PRIM2: variants seen among roughly 807,000 people sequenced by gnomAD.
The protein encoded by PRIM2 is DNA primase subunit 2.
In PRIM2, 39 loss-of-function variants were observed where a neutral mutation model predicts 67.3. The ratio of observed to expected loss-of-function variants is 0.58; its 90% CI spans 0.45 to 0.76. The LOEUF (loss-of-function observed/expected upper bound fraction) is 0.76, where lower values mean the gene tolerates loss of function less well. Among genes scored for constraint, PRIM2 ranks in the 30% least tolerant of loss-of-function variants. The probability of loss-of-function intolerance (pLI) is 0.00; values close to 1 mark genes in which losing one functional copy is unlikely to be tolerated. For synonymous variants in PRIM2, 143 were observed against 198.7 expected (o/e 0.72, Z 2.36); for missense variants, 398 against 598.7 (o/e 0.66, Z 3.50).
chr6:57,639,923 C>T (rs1417236451), intron 13 of PRIM2, among the ~76,000 whole-genome samples: 1 of 151,662 alleles, frequency 6.6e-6, no homozygotes, highest in Non-Finnish European at 1.5e-5. Flanking sequence ...CTGGCAGAGA[C>T]ACAACAAAAA....
chr6:57,356,774 A>G (rs897631062), intron 5 of PRIM2, among the ~76,000 whole-genome samples: 1 of 152,084 alleles, frequency 6.6e-6, no homozygotes, highest in African/African-American at 2.4e-5. Flanking sequence ...TTGTGATAGG[A>G]TAAGGAATAA....
the PRIM2 span, among the ~76,000 whole-genome samples, chr6:57,272,740 G>T: frequency 1.3e-5 from 2 of 152,162 alleles, no homozygotes; most frequent in African/African-American, 4.8e-5. Context: ...TTTACAATTT[G>T]GCATGTTTTT....
intron 7 of PRIM2, among the ~76,000 whole-genome samples, chr6:57,474,203 T>G (rs1331004807): frequency 4.7e-4 from 5 of 10,666 alleles, no homozygotes; most frequent in Admixed American, 2.2e-3. Context: ...TTTTTTTTTT[T>G]GAGCTCTGTC....
At chr6:57,320,219 C>T (rs143525361) in intron 2 of PRIM2, among the ~76,000 whole-genome samples, 71 of 152,148 alleles carry the variant, frequency 4.7e-4, no homozygotes, top group African/African-American at 1.7e-3. Flanking sequence ...TCCCTCTTCC[C>T]TGATTGAGAA....
chr6:57,322,506 G>A (rs919079192), intron 3 of PRIM2, among the ~76,000 whole-genome samples: 1 of 152,140 alleles, frequency 6.6e-6, no homozygotes, highest in Non-Finnish European at 1.5e-5. Context: ...GTTCTCACAA[G>A]ATCTGATGGT....
chr6:57,506,203 C>T lies in PRIM2; in HGVS notation c.694-1184C>T, dbSNP rs1774247823. 1.2e-4 allele frequency among the ~76,000 whole-genome samples: 18 copies of T among 151,788 alleles called. No homozygotes were observed. In the South Asian group the frequency reaches 3.8e-3, roughly 32 times the overall value. ...TAAAATTGTAGCAGATTAATTGTCT[C>T]ACTTTATTGTATTTTAAATTAGTAA... On this transcript the variant is annotated intron_variant, in intron 7 of 13. Coordinates refer to ENST00000615550, the MANE Select transcript of PRIM2 (RefSeq NM_000947.5).
chr6:57,304,768 G>A, the PRIM2 span, among the ~76,000 whole-genome samples: 48 of 152,292 alleles, frequency 3.2e-4, 1 homozygote, highest in African/African-American at 1.1e-3. Flanking sequence ...AGAAGTAGAA[G>A]TAGATGAGAA....
chr6:57,457,775 G>T (rs1468985759), intron 7 of PRIM2, among the ~76,000 whole-genome samples: 1 of 152,132 alleles, frequency 6.6e-6, no homozygotes, highest in African/African-American at 2.4e-5. Flanking sequence ...CTCACATACG[G>T]TGTGCTGCAC....
intron 8 of PRIM2, among the ~76,000 whole-genome samples, chr6:57,523,556 A>C (rs1581968709): frequency 6.6e-6 from 1 of 152,142 alleles, no homozygotes; most frequent in Non-Finnish European, 1.5e-5. Context: ...AAATGACTGG[A>C]GTTGTAATCA....
intron 7 of PRIM2, chr6:57,505,199 G>C (rs1485608013): frequency 2.6e-5 from 4 of 152,152 alleles, no homozygotes; most frequent in African/African-American, 7.2e-5. Context: ...TTTTGTAAGC[G>C]CTAATTGTTT....
intron 10 of PRIM2, among the ~76,000 whole-genome samples, chr6:57,539,658 A>G (rs1231231079): frequency 0.036 from 1,620 of 45,204 alleles, 7 homozygotes; most frequent in African/African-American, 0.078. Context: ...GTGTGTGTGT[A>G]TATATATATA....
chr6:57,490,976 A>G (rs1773875298), intron 7 of PRIM2, among the ~76,000 whole-genome samples: 1 of 152,204 alleles, frequency 6.6e-6, no homozygotes, highest in African/African-American at 2.4e-5. Context: ...CTTTCAAATA[A>G]TAGAATTCCC....
chr6:57,550,989 C>T (rs1453587055), intron 10 of PRIM2, among the ~76,000 whole-genome samples: 43 of 152,268 alleles, frequency 2.8e-4, no homozygotes, highest in African/African-American at 9.4e-4. Context: ...CTTTAACAAC[C>T]TGTTGTGTGT....
At chr6:57,423,049 A>G (rs535752723) in intron 7 of PRIM2, among the ~76,000 whole-genome samples, 9 of 152,298 alleles carry the variant, frequency 5.9e-5, no homozygotes, top group Non-Finnish European at 1.2e-4. Context: ...GATTTTTGTA[A>G]TATGTACACA....
chr6:57,232,304 G>A, the PRIM2 span, among the ~76,000 whole-genome samples: 1 of 152,248 alleles, frequency 6.6e-6, no homozygotes, highest in Non-Finnish European at 1.5e-5. Context: ...TGTAATCCCA[G>A]CACTTTGGGA....
chr6:57,340,024 C>A (rs1295555527), intron 5 of PRIM2, among the ~76,000 whole-genome samples: 1 of 151,836 alleles, frequency 6.6e-6, no homozygotes, highest in African/African-American at 2.4e-5. Context: ...AAAAAAACAA[C>A]CCCATCAAAA....
chr6:57,503,803 G>A (rs1396735698), intron 7 of PRIM2, among the ~76,000 whole-genome samples: 1 of 152,120 alleles, frequency 6.6e-6, no homozygotes, highest in South Asian at 2.1e-4. Context: ...TTGGTGGTGC[G>A]TGTTATAGTA....
chr6:57,332,148 T>C (rs1029883999), intron 5 of PRIM2, among the ~76,000 whole-genome samples: 11 of 152,168 alleles, frequency 7.2e-5, no homozygotes, highest in African/African-American at 2.7e-4. Context: ...ACACATTGAT[T>C]AGAAGTGTTT....
intron 5 of PRIM2, among the ~76,000 whole-genome samples, chr6:57,349,320 A>G (rs986955572): frequency 1.3e-5 from 2 of 150,996 alleles, no homozygotes; most frequent in Non-Finnish European, 3.0e-5. Flanking sequence ...ACCAATGCAC[A>G]CACCGTGTCA....
Sources: allele counts gnomAD v4.1 joint callset (sites outside exome capture counted in the v4.1 genomes callset), GRCh38; gene constraint gnomAD v4.1.1; transcripts MANE v1.5; gene names NCBI Gene and HGNC (gene_info 2026-07-23, HGNC 2026-07-21).